Variants in GRAMD1B observed in about 807,000 individuals in gnomAD.
The protein encoded by GRAMD1B is GRAM domain containing 1B.
In GRAMD1B, 37 loss-of-function variants were observed where a neutral mutation model predicts 99.7. The observed-to-expected ratio is 0.37, with a 90% CI of 0.29 to 0.49. The LOEUF is 0.49. GRAMD1B is among the 20% of genes least tolerant of loss of function. The pLI is 0.98. For synonymous variants in GRAMD1B, 427 were observed against 387.6 expected (o/e 1.10, Z -1.19); for missense variants, 888 against 1,009.2 (o/e 0.88, Z 1.63).
chr11:123,388,521 A>C (rs1947154727), intron 1 of GRAMD1B, among the ~76,000 whole-genome samples: 1 of 152,106 alleles, frequency 6.6e-6, no homozygotes, highest in Admixed American at 6.5e-5. Flanking sequence ...AAAAAGCATG[A>C]AAATTAGCCT....
At chr11:123,385,521 C>A (rs932528042) in intron 1 of GRAMD1B, among the ~76,000 whole-genome samples, 15 of 152,306 alleles carry the variant, frequency 9.8e-5, no homozygotes, top group African/African-American at 3.6e-4. Flanking sequence ...TCCTGGAATA[C>A]CTTTCCTGTC....
At chr11:123,500,422 C>T (rs1939735725) in intron 2 of GRAMD1B, among the ~76,000 whole-genome samples, 1 of 152,214 alleles carries the variant, frequency 6.6e-6, no homozygotes. Context: ...CCATACATTT[C>T]TTCTTCAGTA....
intron 1 of GRAMD1B, among the ~76,000 whole-genome samples, chr11:123,406,307 G>T (rs371336702): frequency 2.0e-5 from 3 of 151,516 alleles, no homozygotes; most frequent in East Asian, 3.9e-4. Flanking sequence ...AGGCTGGAGT[G>T]CAGTGGCACG....
At chr11:123,453,627 A>T (rs1949987486) in intron 1 of GRAMD1B, among the ~76,000 whole-genome samples, 1 of 152,236 alleles carries the variant, frequency 6.6e-6, no homozygotes, top group South Asian at 2.1e-4. Context: ...ATATATAGGT[A>T]TGTATTTTTT....
chr11:123,448,939 G>A (rs1177024571), intron 1 of GRAMD1B, among the ~76,000 whole-genome samples: 2 of 152,126 alleles, frequency 1.3e-5, no homozygotes, highest in Non-Finnish European at 2.9e-5. Context: ...CCTCACTTCT[G>A]TTCCCCTCCT....
chr11:123,581,070 G>A (rs1949308293), intron 3 of GRAMD1B, among the ~76,000 whole-genome samples: 1 of 151,798 alleles, frequency 6.6e-6, no homozygotes, highest in Admixed American at 6.6e-5. Flanking sequence ...TAATCTTCCA[G>A]ACTCCCGGAG....
chr11:123,549,743 G>T (rs897543811), intron 2 of GRAMD1B, among the ~76,000 whole-genome samples: 2 of 152,090 alleles, frequency 1.3e-5, no homozygotes, highest in African/African-American at 4.8e-5. Flanking sequence ...TTAAAGAGTG[G>T]GTTTTGGATT....
chr11:123,594,224 C>A, intron 5 of GRAMD1B, 58 bp downstream of exon 5: 2 of 1,192,170 alleles, frequency 1.7e-6, no homozygotes, highest in Non-Finnish European at 2.5e-6. Flanking sequence ...CCCGGCATAG[C>A]ACTCAGGGTG....
chr11:123,521,177 T>C (rs1455004881), intron 2 of GRAMD1B, among the ~76,000 whole-genome samples: 1 of 152,234 alleles, frequency 6.6e-6, no homozygotes, highest in Non-Finnish European at 1.5e-5. Flanking sequence ...GTTGAACCAG[T>C]ATACACTCCC....
intron 1 of GRAMD1B, among the ~76,000 whole-genome samples, chr11:123,401,830 G>C (rs1171238528): frequency 2.0e-5 from 3 of 152,156 alleles, no homozygotes; most frequent in Non-Finnish European, 2.9e-5. Flanking sequence ...GATAGCTTGA[G>C]CCTGGGAGGT....
intron 2 of GRAMD1B, among the ~76,000 whole-genome samples, chr11:123,534,392 G>A (rs149680622): frequency 4.6e-5 from 7 of 152,294 alleles, no homozygotes; most frequent in Non-Finnish European, 7.4e-5. Flanking sequence ...AGATTTGCAC[G>A]TATTTGGACT....
At position 123,609,870 on chromosome 11, in the gene GRAMD1B, C is replaced by A; in HGVS notation, c.1733C>A (p.Thr578Asn). Residue 578 changes from threonine to asparagine, a missense_variant, in exon 13 of 20, where the codon ACC becomes AAC. By Grantham distance (65) the Thr-to-Asn change is moderately conservative (BLOSUM62 0). Coordinates refer to ENST00000635736, the MANE Select transcript of GRAMD1B (RefSeq NM_001387025.1). Reference protein sequence around the residue: ...SRVILYTITLTNPLAPKTATV... With the variant: ...SRVILYTITLNNPLAPKTATV... ...GTGATTCTTTACACCATCACCCTTA[C>A]CAACCCTCTGGCTCCCAAAACTGCC... 1 of 1,602,004 alleles carries A rather than the reference C, an allele frequency of 6.2e-7. No individual in the cohort carries two copies. Among genetic ancestry groups the A allele is most frequent in the Non-Finnish European group, 8.5e-7 (1 of 1,174,036 alleles).
At chr11:123,447,106 A>C (rs983359773) in intron 1 of GRAMD1B, among the ~76,000 whole-genome samples, 9 of 152,050 alleles carry the variant, frequency 5.9e-5, no homozygotes, top group African/African-American at 2.2e-4. Context: ...AGACTAAAGC[A>C]TGAAAAAAAA....
rs79752314 is a variant in GRAMD1B at position 123,609,631 on chromosome 11, C to T, written c.1658-164C>T. Among the ~76,000 whole-genome samples, 1,028 of 152,322 alleles carry T rather than the reference C, an allele frequency of 6.7e-3. 15 individuals are homozygous for T. Among genetic ancestry groups the T allele is most frequent in the African/African-American group, 0.023 (955 of 41,570 alleles). ...TGAGCCTCTTTCTGCTTCGGCTACT[C>T]CTCCTCTTCCCACCCTCCCCCCGGC... On this transcript the variant is annotated intron_variant, in intron 12 of 19. Transcript: ENST00000635736.
chr11:123,391,488 G>A (rs186564959), intron 1 of GRAMD1B, among the ~76,000 whole-genome samples: 194 of 152,204 alleles, frequency 1.3e-3, no homozygotes, highest in African/African-American at 4.4e-3. Flanking sequence ...AGAGAGTCTC[G>A]TTCTGTCACC....
upstream of GRAMD1B, among the ~76,000 whole-genome samples, chr11:123,425,943 C>T (rs1948632241): frequency 6.6e-6 from 1 of 152,214 alleles, no homozygotes; most frequent in South Asian, 2.1e-4. Context: ...CCCTCCAATT[C>T]TTTCTCCTGT....
chr11:123,436,962 T>C (rs567911655), intron 1 of GRAMD1B, among the ~76,000 whole-genome samples: 1 of 152,284 alleles, frequency 6.6e-6, no homozygotes, highest in South Asian at 2.1e-4. Flanking sequence ...GTCCATGTGT[T>C]CTCATTGTTC....
At position 123,608,170 on chromosome 11, in the gene GRAMD1B, C is replaced by A. The variant is rs977618614; in HGVS notation, c.1514-489C>A. 4 of 283,388 alleles carry A rather than the reference C, an allele frequency of 1.4e-5. No individual in the cohort carries two copies. The East Asian group carries it at 3.0e-4, about 21-fold the overall frequency. The allele number at this position is 283,388 out of a possible 1,614,324, so 17.6% of individuals were successfully genotyped here. The stretch of plus-strand genomic sequence containing the variant: ...AGGGATCACAGCCTATTGGACCAGC[C>A]CCAGCCTTAGCAGCAGTTCTGTACA... On this transcript the variant is annotated intron_variant, in intron 11 of 19. Transcript: ENST00000635736.
intron 1 of GRAMD1B, among the ~76,000 whole-genome samples, chr11:123,439,542 G>A (rs1050979783): frequency 6.6e-6 from 1 of 152,132 alleles, no homozygotes; most frequent in Non-Finnish European, 1.5e-5. Flanking sequence ...TTCCTTTGAG[G>A]CCCTAACACA....
Sources: allele counts gnomAD v4.1 joint callset (sites outside exome capture counted in the v4.1 genomes callset), GRCh38; gene constraint gnomAD v4.1.1; transcripts MANE v1.5; gene names NCBI Gene and HGNC (gene_info 2026-07-23, HGNC 2026-07-21).